GREB1: variants seen among roughly 807,000 people sequenced by gnomAD.
GREB1 encodes the protein growth regulating estrogen receptor binding 1, also known as protein GREB1.
A neutral mutation model predicts 200.7 loss-of-function variants in GREB1; 106 were observed. That is an observed-to-expected ratio of 0.53 (90% CI 0.45 to 0.62). The LOEUF (loss-of-function observed/expected upper bound fraction) is 0.62, where lower values mean the gene tolerates loss of function less well. GREB1 is among the 20% of genes least tolerant of loss of function. GREB1 has a pLI of 0.00. For synonymous variants in GREB1, 1,132 were observed against 1,092.4 expected, an observed-to-expected ratio of 1.04 and a Z score of -0.72; for missense variants, 2,243 against 2,556.8, an observed-to-expected ratio of 0.88 and a Z score of 2.65.
Position 11,580,585 on chromosome 2 carries a change from T to G in GREB1, c.773-119T>G. 1.4e-4 allele frequency: 163 copies of G among 1,184,976 alleles called. No individual in the cohort carries two copies. Among genetic ancestry groups the G allele is most frequent in the Non-Finnish European group, 1.7e-4 (145 of 837,522 alleles). 73.4% of individuals were successfully genotyped at this position (1,184,976 alleles called of 1,614,324 possible). ...ACTGTTGGGCATTCTGACCTCCTGATGAGACTTGCTGGGGAAAAGCTAGTT... is the reference window on the plus strand; with the variant it reads ...ACTGTTGGGCATTCTGACCTCCTGAGGAGACTTGCTGGGGAAAAGCTAGTT... On this transcript the variant is annotated intron_variant, in intron 6 of 32. Coordinates refer to ENST00000381486, the MANE Select transcript of GREB1 (RefSeq NM_014668.4). The surrounding 1 kb of genome is among the most constrained non-coding windows in gnomAD (Gnocchi z 4.5).
At chr2:11,500,406 G>T (rs200206247) in intron 1 of GREB1, among the ~76,000 whole-genome samples, 2 of 151,846 alleles carry the variant, frequency 1.3e-5, no homozygotes, top group Admixed American at 6.6e-5. Flanking sequence ...TGATCTGCTC[G>T]CCTCGGACTC....
rs912416868 is a variant in GREB1 at position 11,634,747 on chromosome 2, A to G, written c.5210+398A>G. 5.9e-5 allele frequency among the ~76,000 whole-genome samples: 9 copies of G among 152,192 alleles called. No homozygotes were observed. The East Asian group carries it at 1.2e-3, about 20-fold the overall frequency. On this transcript the variant is annotated intron_variant, in intron 29 of 32. Transcript: ENST00000381486. Reference sequence around the variant, plus strand: ...TTCACGGAGTACCTCTCCACTGGGCAGTGGACCACGGCCTGCGTGAGCCTC... The same window carrying G: ...TTCACGGAGTACCTCTCCACTGGGCGGTGGACCACGGCCTGCGTGAGCCTC...
chr2:11,585,362 G>A lies in GREB1; in HGVS notation c.1015+88G>A, dbSNP rs189611158. ...GTTGTGTGTATGTGTGCGTGTGTGC[G>A]TGCGCACGAGTGTGAATGTGCGTGT... On this transcript the variant is annotated intron_variant, in intron 8 of 32. Transcript: ENST00000381486. 1,477 of 764,724 alleles carry A rather than the reference G, an allele frequency of 1.9e-3. 3 individuals carry two copies. Among genetic ancestry groups the A allele is most frequent in the Non-Finnish European group, 2.7e-3 (1,300 of 478,648 alleles). The allele number at this position is 764,724 out of a possible 1,614,324, so 47.4% of individuals were successfully genotyped here. A position where few individuals can be genotyped will look rare whatever the true frequency, so the allele number is the denominator to read the frequency against.
intron 4 of GREB1, among the ~76,000 whole-genome samples, chr2:11,574,988 G>A (rs1254973105): frequency 6.6e-6 from 1 of 152,258 alleles, no homozygotes; most frequent in African/African-American, 2.4e-5. Context: ...AAGACTAGAT[G>A]TGCTCAAAGT....
chr2:11,600,572 C>T (rs893365572), intron 15 of GREB1, among the ~76,000 whole-genome samples: 7 of 152,118 alleles, frequency 4.6e-5, no homozygotes, highest in African/African-American at 1.4e-4. Flanking sequence ...CTCTGACTAC[C>T]GTCCCACGCC....
intron 2 of GREB1, 61 bp downstream of exon 2, chr2:11,556,832 C>T: frequency 7.9e-7 from 1 of 1,273,450 alleles, no homozygotes; most frequent in Non-Finnish European, 1.1e-6. Flanking sequence ...TTAATGTTAG[C>T]ACCAGAACTT....
chr2:11,531,015 C>T (rs76247797), upstream of GREB1, among the ~76,000 whole-genome samples: 4 of 152,018 alleles, frequency 2.6e-5, no homozygotes, highest in Non-Finnish European at 5.9e-5. Context: ...ATTAACCCCC[C>T]CAAAACTAGC....
intron 15 of GREB1, among the ~76,000 whole-genome samples, chr2:11,599,101 G>A (rs1303111168): frequency 6.6e-6 from 1 of 152,166 alleles, no homozygotes; most frequent in Non-Finnish European, 1.5e-5. Flanking sequence ...AGGGAAGCGT[G>A]TCTCCCAGAG....
intron 20 of GREB1, among the ~76,000 whole-genome samples, chr2:11,616,070 T>C (rs780692343): frequency 2.0e-5 from 3 of 152,252 alleles, no homozygotes; most frequent in Non-Finnish European, 2.9e-5. Flanking sequence ...TTTGTGAGTA[T>C]CTGCTGCACG....
At chr2:11,541,047 G>A (rs1674697063) in intron 1 of GREB1, among the ~76,000 whole-genome samples, 1 of 152,200 alleles carries the variant, frequency 6.6e-6, no homozygotes. Flanking sequence ...AGAAGAGGAG[G>A]GAGCATGGGT....
rs1678872895 is a variant in GREB1, at chr2:11,576,527, A to G, written c.629A>G (p.Lys210Arg). The G allele has an allele frequency of 1.2e-6, 2 of 1,612,514 alleles. No homozygotes were observed. Among genetic ancestry groups the G allele is most frequent in the Admixed American group, 1.7e-5 (1 of 59,806 alleles). ...ACCAAAGGACCTTTAATCTGTTGGA[A>G]AGGCTCAGGTGAGCAGGTTGGCTGT... ...TLTKGPLICW[K>R]GSEFRSRQIP... Residue 210 changes from lysine (K) to arginine (R), a missense_variant, in exon 5 of 33, where the codon AAA becomes AGA. Physicochemically the swap from Lys to Arg is conservative, Grantham distance 26. Coordinates refer to ENST00000381486, the MANE Select transcript of GREB1 (RefSeq NM_014668.4).
intron 9 of GREB1, chr2:11,587,487 A>T: frequency 1.9e-6 from 3 of 1,607,964 alleles, no homozygotes; most frequent in Non-Finnish European, 1.7e-6. Context: ...CTGGAATCAG[A>T]ATCAGGCCCC....
intron 1 of GREB1, among the ~76,000 whole-genome samples, chr2:11,500,894 G>A (rs1673020147): frequency 6.6e-6 from 1 of 152,216 alleles, no homozygotes; most frequent in South Asian, 2.1e-4. Flanking sequence ...ACAGAAAGTG[G>A]AGAGAGTGAC....
chr2:11,512,879 A>G (rs10170091), intron 1 of GREB1, among the ~76,000 whole-genome samples: 4,177 of 152,330 alleles, frequency 0.027, 213 homozygotes, highest in African/African-American at 0.095. Flanking sequence ...TTAGGCGGAT[A>G]TGGCTTAAGA....
intron 1 of GREB1, among the ~76,000 whole-genome samples, chr2:11,509,030 A>G (rs1326041908): frequency 6.6e-6 from 1 of 151,232 alleles, no homozygotes; most frequent in Non-Finnish European, 1.5e-5. Context: ...GCCCGCCACC[A>G]CGCCCGGCTA....
At chr2:11,486,122 T>A (rs1457924628) in intron 1 of GREB1, among the ~76,000 whole-genome samples, 1 of 152,146 alleles carries the variant, frequency 6.6e-6, no homozygotes, top group Non-Finnish European at 1.5e-5. Context: ...CAACTAACCA[T>A]TAGGGCTGAC....
At chr2:11,510,688 A>ATTTTTTT (rs56901979) in intron 1 of GREB1, among the ~76,000 whole-genome samples, 10 of 102,258 alleles carry the variant, frequency 9.8e-5, no homozygotes, top group African/African-American at 2.8e-4. Context: ...GAACATATGG[A>ATTTTTTT]TTTTTTTTTT....
chr2:11,587,047 C>T (rs563367317), intron 9 of GREB1, among the ~76,000 whole-genome samples: 24 of 152,312 alleles, frequency 1.6e-4, no homozygotes, highest in South Asian at 6.2e-4. Context: ...CCAGGAACCT[C>T]GGAAAAGAAA....
At chr2:11,524,151 T>G (rs531746681) in intron 1 of GREB1, among the ~76,000 whole-genome samples, 2 of 152,302 alleles carry the variant, frequency 1.3e-5, no homozygotes, top group African/African-American at 4.8e-5. Context: ...AATATAAAAT[T>G]CATCTTTTTT....
Sources: gnomAD v4.1 joint callset for allele counts (sites outside exome capture counted in the v4.1 genomes callset) on GRCh38, gnomAD v4.1.1 for gene constraint, Gnocchi (gnomAD v3.1) non-coding constraint, MANE v1.5 for transcripts, NCBI Gene and HGNC (gene_info 2026-07-23, HGNC 2026-07-21) for gene names.